DLGAP1: variants seen among roughly 807,000 people sequenced by gnomAD.
The protein encoded by DLGAP1 is disks large-associated protein 1.
In DLGAP1, 11 loss-of-function variants were observed where a neutral mutation model predicts 90.8. That is an observed-to-expected ratio of 0.12 (90% CI 0.08 to 0.20). The LOEUF (loss-of-function observed/expected upper bound fraction) is 0.20, where lower values mean the gene tolerates loss of function less well. DLGAP1 is among the 10% of genes least tolerant of loss of function. The probability of loss-of-function intolerance (pLI) is 1.00; values close to 1 mark genes in which losing one functional copy is unlikely to be tolerated. For synonymous variants in DLGAP1, 558 were observed against 540.7 expected, an observed-to-expected ratio of 1.03 and a Z score of -0.44; for missense variants, 1,050 against 1,333.8, an observed-to-expected ratio of 0.79 and a Z score of 3.31.
chr18:3,600,708 C>A (rs71358019), intron 7 of DLGAP1, among the ~76,000 whole-genome samples: 2,807 of 40,824 alleles, frequency 0.069, 479 homozygotes, highest in Middle Eastern at 0.24. Flanking sequence ...ATATCTATAG[C>A]TATATAGATA....
intron 3 of DLGAP1, among the ~76,000 whole-genome samples, chr18:3,950,406 T>C (rs2072961587): frequency 6.6e-6 from 1 of 152,220 alleles, no homozygotes; most frequent in East Asian, 1.9e-4. Flanking sequence ...AGTGTGCCAG[T>C]ACCAGGCCTA....
intron 3 of DLGAP1, among the ~76,000 whole-genome samples, chr18:3,908,621 T>C (rs1359909844): frequency 1.3e-5 from 2 of 152,196 alleles, no homozygotes; most frequent in East Asian, 1.9e-4. Context: ...TATGCTTGCT[T>C]ATAAGTTTAT....
intron 1 of DLGAP1, among the ~76,000 whole-genome samples, chr18:4,163,025 T>C (rs1246407519): frequency 6.6e-6 from 1 of 152,184 alleles, no homozygotes; most frequent in Non-Finnish European, 1.5e-5. Context: ...GCTAAGAGTG[T>C]TGAGTAGGTA....
Position 4,067,165 on chromosome 18 carries a change from G to A in DLGAP1, c.-158-61964C>T, listed in dbSNP as rs531524722. 2.2e-4 allele frequency among the ~76,000 whole-genome samples: 33 copies of A among 151,700 alleles called. 1 individual carries two copies. Among genetic ancestry groups the A allele is most frequent in the African/African-American group, 7.3e-4 (30 of 41,306 alleles). ...ACATAGTGGGGAACAACAGACACTG[G>A]GCCTTACCTGAAGGTGGAGGTTGGG... On this transcript the variant is annotated intron_variant, in intron 2 of 12. Transcript: ENST00000315677.
In DLGAP1 at chr18:3,842,005, C is replaced by A. The variant is rs112047697; in HGVS notation, c.958-27732G>T. Among the ~76,000 whole-genome samples, 373 of 151,916 alleles carry A rather than the reference C, an allele frequency of 2.5e-3. 4 individuals carry two copies. Among genetic ancestry groups the A allele is most frequent in the African/African-American group, 8.0e-3 (332 of 41,394 alleles). ...TATGAGAGCATATTGGGAGAGGATACCTCACTTAAACTTGGCCAGTCAGAG... is the reference window on the plus strand; with the variant it reads ...TATGAGAGCATATTGGGAGAGGATAACTCACTTAAACTTGGCCAGTCAGAG... On this transcript the variant is annotated intron_variant, in intron 4 of 12. Coordinates refer to ENST00000315677, the MANE Select transcript of DLGAP1 (RefSeq NM_004746.4).
At chr18:3,661,321 C>T (rs946108321) in intron 7 of DLGAP1, among the ~76,000 whole-genome samples, 1 of 152,222 alleles carries the variant, frequency 6.6e-6, no homozygotes, top group African/African-American at 2.4e-5. Context: ...GCTATGTCTC[C>T]TCTCCTTGAA....
At chr18:4,410,040 G>A (rs1190338506) in intron 1 of DLGAP1, among the ~76,000 whole-genome samples, 1 of 152,198 alleles carries the variant, frequency 6.6e-6, no homozygotes, top group African/African-American at 2.4e-5. Context: ...ATTATTCTAA[G>A]TGAAGTAACT....
chr18:4,444,035 C>T lies in DLGAP1; in HGVS notation c.-267+10971G>A, dbSNP rs1251180757. On this transcript the variant is annotated intron_variant, in intron 1 of 12. Coordinates refer to ENST00000315677, the MANE Select transcript of DLGAP1 (RefSeq NM_004746.4). Reference sequence around the variant, plus strand: ...TGATCCCTTCTTCTAAGGAAAGAAACTGGGTTAACCGAACACACACAATAG... The same window carrying T: ...TGATCCCTTCTTCTAAGGAAAGAAATTGGGTTAACCGAACACACACAATAG... Among the ~76,000 whole-genome samples the T allele has an allele frequency of 1.2e-4, 19 of 152,176 alleles. 1 individual carries two copies. Among genetic ancestry groups the T allele is most frequent in the Non-Finnish European group, 1.6e-4 (11 of 68,032 alleles).
At position 3,863,903 on chromosome 18, in the gene DLGAP1, G is replaced by C. The variant is rs557222098; in HGVS notation, c.957+15209C>G. 3.9e-5 allele frequency among the ~76,000 whole-genome samples: 6 copies of C among 152,342 alleles called. No individual in the cohort carries two copies. In the East Asian group the frequency reaches 9.7e-4, roughly 25 times the overall value. ...TAAATTCCTTTGGCCTGGCCTCCAG[G>C]CTAGACCATATCTTCCATCTTTGGG... On this transcript the variant is annotated intron_variant, in intron 4 of 12. Transcript: ENST00000315677.
intron 2 of DLGAP1, among the ~76,000 whole-genome samples, chr18:4,101,024 C>T (rs68012141): frequency 0.3 from 45,003 of 152,046 alleles, 7,152 homozygotes; most frequent in African/African-American, 0.4. Flanking sequence ...TTTCTTAATG[C>T]TTGTGCATTT....
intron 5 of DLGAP1, among the ~76,000 whole-genome samples, chr18:3,743,933 A>G (rs2063162981): frequency 6.6e-6 from 1 of 152,234 alleles, no homozygotes; most frequent in Admixed American, 6.5e-5. Context: ...TAAAGGCATG[A>G]GCCACTGTGC....
At chr18:4,371,803 G>T (rs772521229) in intron 1 of DLGAP1, among the ~76,000 whole-genome samples, 16 of 152,178 alleles carry the variant, frequency 1.1e-4, no homozygotes, top group Non-Finnish European at 1.8e-4. Flanking sequence ...CCTTCCTTCA[G>T]CAAGCCCTTT....
intron 10 of DLGAP1, among the ~76,000 whole-genome samples, chr18:3,527,570 T>G (rs2051725149): frequency 6.6e-6 from 1 of 151,998 alleles, no homozygotes; most frequent in African/African-American, 2.4e-5. Context: ...TTTTTAGTTT[T>G]TTTTGTTTTG....
chr18:4,208,969 C>T (rs1302969111), intron 1 of DLGAP1, among the ~76,000 whole-genome samples: 1 of 152,122 alleles, frequency 6.6e-6, no homozygotes, highest in African/African-American at 2.4e-5. Flanking sequence ...CAACCACTGT[C>T]AGTGGCAATT....
At chr18:4,010,718 C>G (rs1226890745) in intron 2 of DLGAP1, among the ~76,000 whole-genome samples, 1 of 152,166 alleles carries the variant, frequency 6.6e-6, no homozygotes, top group African/African-American at 2.4e-5. Flanking sequence ...GTTAGCTCCT[C>G]TATTCTCATA....
chr18:3,633,978 A>G (rs1461255585), intron 7 of DLGAP1, among the ~76,000 whole-genome samples: 1 of 152,240 alleles, frequency 6.6e-6, no homozygotes, highest in East Asian at 1.9e-4. Flanking sequence ...CTAAAGATAC[A>G]ATGTCAAGTA....
intron 2 of DLGAP1, among the ~76,000 whole-genome samples, chr18:4,149,377 A>G (rs2076636017): frequency 6.6e-6 from 1 of 152,138 alleles, no homozygotes; most frequent in African/African-American, 2.4e-5. Context: ...AAAACACAAA[A>G]CTTTTTTTTT....
At chr18:3,930,190 T>G (rs1267271600) in intron 3 of DLGAP1, among the ~76,000 whole-genome samples, 1 of 152,254 alleles carries the variant, frequency 6.6e-6, no homozygotes, top group Admixed American at 6.5e-5. Context: ...TAGGAAGTTC[T>G]TTTGTGAACT....
chr18:4,364,766 C>T (rs1461521767), intron 1 of DLGAP1, among the ~76,000 whole-genome samples: 2 of 152,066 alleles, frequency 1.3e-5, no homozygotes, highest in Non-Finnish European at 2.9e-5. Flanking sequence ...AACTTGATGT[C>T]TTTCTAACTT....
Sources: allele counts gnomAD v4.1 joint callset (sites outside exome capture counted in the v4.1 genomes callset), GRCh38; gene constraint gnomAD v4.1.1; transcripts MANE v1.5; gene names NCBI Gene and HGNC (gene_info 2026-07-23, HGNC 2026-07-21).